PCDHGA6: variants seen among roughly 807,000 people sequenced by gnomAD.
PCDHGA6 encodes protocadherin gamma-A6.
A neutral mutation model predicts 60.6 loss-of-function variants in PCDHGA6; 41 were observed. The observed-to-expected ratio is 0.68, with a 90% CI of 0.53 to 0.88. PCDHGA6 has a LOEUF of 0.88. PCDHGA6 is among the 40% of genes least tolerant of loss of function. The probability of loss-of-function intolerance (pLI) is 0.00; values close to 1 mark genes in which losing one functional copy is unlikely to be tolerated. For synonymous variants in PCDHGA6, 594 were observed against 524.4 expected, an observed-to-expected ratio of 1.13 and a Z score of -1.81; for missense variants, 1,312 against 1,203.0, an observed-to-expected ratio of 1.09 and a Z score of -1.34.
Position 141,376,152 on chromosome 5 carries a change from C to G in PCDHGA6, c.2069C>G (p.Thr690Ser), listed in dbSNP as rs376990625. 10 of 1,614,026 alleles carry G rather than the reference C, an allele frequency of 6.2e-6. No individual in the cohort carries two copies. In the African/African-American group the frequency reaches 1.3e-4, roughly 22 times the overall value. The change falls in exon 1 of 4, where the codon ACT (threonine) becomes AGT (serine). Residue 690 changes from threonine (T) to serine (S), a missense_variant. Physicochemically the swap from Thr to Ser is moderately conservative, Grantham distance 58. Transcript: ENST00000517434. ...GCCAAACCCAACGATTCGGACCTCACTCTGTACCTGGTGGTGGCGGTGGCC... is the reference window on the plus strand; with the variant it reads ...GCCAAACCCAACGATTCGGACCTCAGTCTGTACCTGGTGGTGGCGGTGGCC... ...PSAKPNDSDL[T>S]LYLVVAVAAV...
rs1210809217 is a variant in PCDHGA6 at position 141,432,990 on chromosome 5, A to G, written c.2424+56483A>G. The G allele has an allele frequency of 6.2e-7, 1 of 1,614,152 alleles. No individual in the cohort carries two copies. The highest frequency in any genetic ancestry group is 1.7e-5 in the Admixed American group (1 of 60,022). ...CCGGCGTCGCACTTTGTGGGCGTGGACGGGGTGCAGGCTTTCCTGCAGACC... is the reference window on the plus strand; with the variant it reads ...CCGGCGTCGCACTTTGTGGGCGTGGGCGGGGTGCAGGCTTTCCTGCAGACC... On this transcript the variant is annotated intron_variant, in intron 1 of 3. Transcript: ENST00000517434. This position sits in a 1 kb window ranked among gnomAD's most constrained non-coding sequence, Gnocchi z 6.0.
At chr5:141,433,343 G>A (rs1591274674) in intron 1 of PCDHGA6, 1 of 630,308 alleles carries the variant, frequency 1.6e-6, no homozygotes, top group Admixed American at 3.0e-5. Flanking sequence ...ACAGGTGCAA[G>A]CCACCTACTG....
intron 1 of PCDHGA6, chr5:141,388,133 G>C: frequency 6.9e-7 from 1 of 1,450,894 alleles, no homozygotes. Flanking sequence ...AGAGCGGGGA[G>C]TTGCTTGTGA....
In PCDHGA6 at chr5:141,374,216, G is replaced by A. The variant is rs745786041; in HGVS notation, c.133G>A (p.Val45Ile). The change falls in exon 1 of 4, where the codon GTA becomes ATA. Residue 45 changes from valine (V) to isoleucine (I), a missense_variant. Transcript: ENST00000517434. ...IPEELEKGSF[V>I]GNIVKDLGLE... The stretch of plus-strand genomic sequence containing the variant: ...CGAGGAGCTGGAGAAAGGCTCCTTC[G>A]TAGGCAACATCGTCAAGGATCTGGG... The A allele has an allele frequency of 5.6e-6, 9 of 1,613,860 alleles. No individual in the cohort carries two copies. In the South Asian group the frequency reaches 7.7e-5, roughly 14 times the overall value.
chr5:141,413,372 G>T lies in PCDHGA6; in HGVS notation c.2424+36865G>T, dbSNP rs760934804. ...CTGGCGCCCCGGGAGCTGGCGGAGCGCGGAGTCCGCATAGTCTCCAGAGGT... is the reference window on the plus strand; with the variant it reads ...CTGGCGCCCCGGGAGCTGGCGGAGCTCGGAGTCCGCATAGTCTCCAGAGGT... On this transcript the variant is annotated intron_variant, in intron 1 of 3. Transcript: ENST00000517434. The T allele has an allele frequency of 1.9e-6, 3 of 1,613,950 alleles. No individual in the cohort carries two copies. The South Asian group carries it at 3.3e-5, about 18-fold the overall frequency.
Position 141,432,169 on chromosome 5 carries a change from C to T in PCDHGA6, c.2424+55662C>T. On this transcript the variant is annotated intron_variant, in intron 1 of 3. Transcript: ENST00000517434. The surrounding 1 kb of genome is among the most constrained non-coding windows in gnomAD (Gnocchi z 6.0). ...CAGAGAACAATCCCAGAGGAGTTTCCCTCGTCTCTGTGACCGCCCACGACC... is the reference window on the plus strand; with the variant it reads ...CAGAGAACAATCCCAGAGGAGTTTCTCTCGTCTCTGTGACCGCCCACGACC... The T allele has an allele frequency of 6.2e-7, 1 of 1,614,204 alleles. No homozygotes were observed. The highest frequency in any genetic ancestry group is 1.6e-4 in the Middle Eastern group (1 of 6,062).
intron 1 of PCDHGA6, chr5:141,395,099 C>T: frequency 6.2e-7 from 1 of 1,614,228 alleles, no homozygotes; most frequent in Non-Finnish European, 8.5e-7. Flanking sequence ...TCACCGCCGA[C>T]TCGCGGAAGA....
chr5:141,428,358 G>T, intron 1 of PCDHGA6: 1 of 565,492 alleles, frequency 1.8e-6, no homozygotes, highest in Non-Finnish European at 3.2e-6. Flanking sequence ...TGATTTTGGC[G>T]GTCGCCTTGC....
At chr5:141,403,501 G>A in intron 1 of PCDHGA6, 1 of 1,614,048 alleles carries the variant, frequency 6.2e-7, no homozygotes, top group South Asian at 1.1e-5. Context: ...TGAACGTGCA[G>A]ACTGGAGACA....
Position 141,489,358 on chromosome 5 carries a change from G to C in PCDHGA6, c.2425-5449G>C. 1 of 1,613,144 alleles carries C rather than the reference G, an allele frequency of 6.2e-7. No homozygotes were observed. The highest frequency in any genetic ancestry group is 1.7e-4 in the Middle Eastern group (1 of 6,052). On this transcript the variant is annotated intron_variant, in intron 1 of 3. Coordinates refer to ENST00000517434, the MANE Select transcript of PCDHGA6 (RefSeq NM_018919.3). The surrounding 1 kb of genome is among the most constrained non-coding windows in gnomAD (Gnocchi z 4.5). ...TCGTTACTCAGTGGTGGAGGAGTCT[G>C]AGCCGGGGACGCTGGTGGGGAATGT...
chr5:141,410,415 T>C (rs1589759810), intron 1 of PCDHGA6: 1 of 1,614,066 alleles, frequency 6.2e-7, no homozygotes. Flanking sequence ...TCTGGACCTG[T>C]AGTTCCCCCC....
rs1425329910 is a variant in PCDHGA6, at chr5:141,374,131, C to T, written c.48C>T (p.Leu16=). ...CGCAGCGCAGCGAGCAGGTCCTGCT[C>T]CTCACGCTCCTGGGGACGCTGTGGG... ...RHPQRSEQVL[L]LTLLGTLWGA... The change falls in exon 1 of 4, where the codon CTC becomes CTT. Residue 16 remains leucine (L), a synonymous_variant. Coordinates refer to ENST00000517434, the MANE Select transcript of PCDHGA6 (RefSeq NM_018919.3). 4 of 1,604,596 alleles carry T rather than the reference C, an allele frequency of 2.5e-6. No homozygotes were observed. Among genetic ancestry groups the T allele is most frequent in the Non-Finnish European group, 8.5e-7 (1 of 1,174,150 alleles).
intron 1 of PCDHGA6, chr5:141,392,699 T>C: frequency 2.4e-6 from 3 of 1,248,768 alleles, no homozygotes; most frequent in South Asian, 3.3e-5. Context: ...CGACCCCTGT[T>C]TGGAGGCACT....
intron 1 of PCDHGA6, among the ~76,000 whole-genome samples, chr5:141,466,225 C>A (rs925594512): frequency 2.0e-5 from 3 of 152,028 alleles, no homozygotes; most frequent in Admixed American, 6.6e-5. Flanking sequence ...GGCTGGAGTG[C>A]AGTGGCACCA....
chr5:141,490,906 G>C lies in PCDHGA6; in HGVS notation c.2425-3901G>C. On this transcript the variant is annotated intron_variant, in intron 1 of 3. Transcript: ENST00000517434. The surrounding 1 kb of genome is among the most constrained non-coding windows in gnomAD (Gnocchi z 5.4). ...CACATCTCTGCATGTGTTTGTCCTA[G>C]ACGAGAATGATAATGCCCCAGCTGT... The C allele has an allele frequency of 1.9e-6, 3 of 1,613,798 alleles. No individual in the cohort carries two copies. The highest frequency in any genetic ancestry group is 2.5e-6 in the Non-Finnish European group (3 of 1,179,808).
chr5:141,414,255 G>A (rs776584940), intron 1 of PCDHGA6: 12 of 1,613,350 alleles, frequency 7.4e-6, no homozygotes, highest in Non-Finnish European at 1.0e-5. Flanking sequence ...TTAGTCCAGT[G>A]ACTGAAGATT....
chr5:141,436,087 T>C (rs927404291), intron 1 of PCDHGA6, among the ~76,000 whole-genome samples: 1 of 152,198 alleles, frequency 6.6e-6, no homozygotes, highest in Non-Finnish European at 1.5e-5. Flanking sequence ...CTATAGGTAA[T>C]ATTGAGAGAA....
chr5:141,423,750 T>TGGG lies in PCDHGA6; in HGVS notation c.2424+47251_2424+47253dup, dbSNP rs144521096. 4.7e-3 allele frequency: 1,348 copies of TGGG among 288,070 alleles called. 1 individual carries two copies. The highest frequency in any genetic ancestry group is 5.4e-3 in the Non-Finnish European group (1,192 of 221,408). 17.8% of individuals were successfully genotyped at this position (288,070 alleles called of 1,614,324 possible). A position where few individuals can be genotyped will look rare whatever the true frequency, so the allele number is the denominator to read the frequency against. ...TTTTGAGCCTGTTATGAAAACTGTT[T>TGGG]GGGGGGGGGGTGGGGCGGCATATAT... is the stretch of plus-strand genomic sequence containing the variant. On this transcript the variant is annotated intron_variant, in intron 1 of 3. Coordinates refer to ENST00000517434, the MANE Select transcript of PCDHGA6 (RefSeq NM_018919.3).
At chr5:141,399,854 GC>G (rs1416380474) in intron 1 of PCDHGA6, 1 of 1,612,786 alleles carries the variant, frequency 6.2e-7, no homozygotes, top group Admixed American at 1.7e-5. Context: ...ATGGTGCCGC[GC>G]GCTGCAGAGC....
Sources: allele counts gnomAD v4.1 joint callset (sites outside exome capture counted in the v4.1 genomes callset), GRCh38; gene constraint gnomAD v4.1.1; non-coding constraint Gnocchi (gnomAD v3.1); transcripts MANE v1.5; gene names NCBI Gene and HGNC (gene_info 2026-07-23, HGNC 2026-07-21).